Variants in RBFOX1 observed in about 807,000 individuals in gnomAD.
The protein encoded by RBFOX1 is RNA binding fox-1 homolog 1.
RBFOX1 carries 8 observed loss-of-function variants against 57.7 expected under a neutral mutation model. That is an observed-to-expected ratio of 0.14 (90% confidence interval 0.08 to 0.25). RBFOX1 has a LOEUF of 0.25. RBFOX1 is among the 10% of genes least tolerant of loss of function. RBFOX1 has a pLI of 1.00. For missense variants in RBFOX1, 611 were observed against 548.5 expected (o/e 1.11, Z -1.14); for synonymous variants, 326 against 222.4 (o/e 1.47, Z -4.15).
At chr16:5,452,589 C>G (rs1280477729) in intron 1 of RBFOX1, among the ~76,000 whole-genome samples, 1 of 152,070 alleles carries the variant, frequency 6.6e-6, no homozygotes, top group Non-Finnish European at 1.5e-5. Flanking sequence ...CCTGCCTTAC[C>G]TGTCCCTCAT....
At chr16:6,063,022 G>GT (rs2095708743) in intron 1 of RBFOX1, among the ~76,000 whole-genome samples, 1 of 152,090 alleles carries the variant, frequency 6.6e-6, no homozygotes, top group East Asian at 1.9e-4. Flanking sequence ...ATTTTTCAAG[G>GT]TAATCTCCCT....
intron 3 of RBFOX1, among the ~76,000 whole-genome samples, chr16:6,892,851 C>T (rs1046580341): frequency 6.9e-6 from 1 of 145,480 alleles, no homozygotes; most frequent in Non-Finnish European, 1.5e-5. Flanking sequence ...GTGTTCTGTG[C>T]CCCCCTCCCC....
intron 12 of RBFOX1, among the ~76,000 whole-genome samples, chr16:7,654,401 C>G (rs1208330167): frequency 6.6e-6 from 1 of 152,104 alleles, no homozygotes; most frequent in African/African-American, 2.4e-5. Flanking sequence ...TCAAGGGTCA[C>G]GAACCTTTGC....
intron 3 of RBFOX1, among the ~76,000 whole-genome samples, chr16:6,755,057 G>C (rs1325648086): frequency 2.6e-5 from 4 of 152,182 alleles, no homozygotes; most frequent in Non-Finnish European, 4.4e-5. Flanking sequence ...TGGCTGCATA[G>C]TATTCCATGG....
intron 11 of RBFOX1, among the ~76,000 whole-genome samples, chr16:7,647,265 G>C (rs2063932626): frequency 6.6e-6 from 1 of 152,112 alleles, no homozygotes; most frequent in Non-Finnish European, 1.5e-5. Context: ...ATGCTCAATT[G>C]GTATTTTCTC....
At chr16:5,379,223 ATCATAAAAGT>A (rs1158103287) in intron 1 of RBFOX1, among the ~76,000 whole-genome samples, 7 of 151,654 alleles carry the variant, frequency 4.6e-5, no homozygotes, top group Non-Finnish European at 1.0e-4. Context: ...CTAAAATTTA[ATCATAAAAGT>A]TCAGGTGAAT....
intron 3 of RBFOX1, among the ~76,000 whole-genome samples, chr16:5,680,695 C>A (rs912706731): frequency 6.6e-6 from 1 of 152,136 alleles, no homozygotes; most frequent in African/African-American, 2.4e-5. Context: ...TGGAGAATGC[C>A]AAACTTTAGG....
intron 3 of RBFOX1, among the ~76,000 whole-genome samples, chr16:6,732,355 C>A (rs1296116268): frequency 6.6e-6 from 1 of 152,194 alleles, no homozygotes; most frequent in African/African-American, 2.4e-5. Context: ...GAGTCTCTGA[C>A]AGATGCAGCA....
At chr16:7,465,371 G>C (rs546183497) in intron 4 of RBFOX1, among the ~76,000 whole-genome samples, 2 of 152,298 alleles carry the variant, frequency 1.3e-5, no homozygotes, top group South Asian at 4.1e-4. Flanking sequence ...CGGAGACCTT[G>C]GCTGCTTCAT....
chr16:6,963,520 G>T (rs927985283), intron 3 of RBFOX1, among the ~76,000 whole-genome samples: 2 of 152,074 alleles, frequency 1.3e-5, no homozygotes, highest in East Asian at 3.9e-4. Flanking sequence ...GTTTGCAAAG[G>T]AGTGAATGAC....
At chr16:7,552,656 G>T (rs1418327831) in intron 5 of RBFOX1, among the ~76,000 whole-genome samples, 1 of 152,130 alleles carries the variant, frequency 6.6e-6, no homozygotes, top group Admixed American at 6.5e-5. Context: ...CCCATTCTTT[G>T]TTGTGAACGA....
chr16:7,180,899 A>G (rs1176824746), intron 4 of RBFOX1, among the ~76,000 whole-genome samples: 1 of 152,238 alleles, frequency 6.6e-6, no homozygotes, highest in African/African-American at 2.4e-5. Context: ...TTTCCTGCAG[A>G]GGGTCAGATA....
intron 4 of RBFOX1, among the ~76,000 whole-genome samples, chr16:7,381,465 T>C (rs376934443): frequency 1.3e-5 from 2 of 152,060 alleles, no homozygotes; most frequent in East Asian, 1.9e-4. Context: ...TAGTAAAATA[T>C]ATAGACTACA....
intron 1 of RBFOX1, among the ~76,000 whole-genome samples, chr16:5,437,698 C>A (rs1013613566): frequency 6.6e-6 from 1 of 152,098 alleles, no homozygotes; most frequent in Non-Finnish European, 1.5e-5. Context: ...ACTATTTATG[C>A]CTACAAAAAA....
At chr16:5,292,893 G>A (rs558342567) in intron 1 of RBFOX1, among the ~76,000 whole-genome samples, 1 of 152,130 alleles carries the variant, frequency 6.6e-6, no homozygotes, top group Admixed American at 6.5e-5. Context: ...AAAGTGCTGG[G>A]ATTACACGTG....
At chr16:6,965,315 TTGTG>T (rs57603257) in intron 3 of RBFOX1, among the ~76,000 whole-genome samples, 5,342 of 147,304 alleles carry the variant, frequency 0.036, 105 homozygotes, top group Non-Finnish European at 0.05. Flanking sequence ...TTTTCTTTTG[TTGTG>T]TGTGTGTGTG....
chr16:5,533,147 T>A (rs1204990730), intron 2 of RBFOX1, among the ~76,000 whole-genome samples: 1 of 152,100 alleles, frequency 6.6e-6, no homozygotes, highest in Non-Finnish European at 1.5e-5. Flanking sequence ...GGAGAAGGAA[T>A]CAAAGAAGAG....
At chr16:5,317,587 C>T (rs1302277698) in intron 1 of RBFOX1, among the ~76,000 whole-genome samples, 6 of 151,778 alleles carry the variant, frequency 4.0e-5, no homozygotes, top group Admixed American at 2.0e-4. Context: ...CCAGCCTGGG[C>T]GAAAGACTGA....
At chr16:7,226,181 C>A (rs553817087) in intron 4 of RBFOX1, among the ~76,000 whole-genome samples, 1 of 152,284 alleles carries the variant, frequency 6.6e-6, no homozygotes, top group South Asian at 2.1e-4. Context: ...CCAGGGATAA[C>A]TCTCAGGTAC....
Sources: gnomAD v4.1 joint callset for allele counts (sites outside exome capture counted in the v4.1 genomes callset) on GRCh38, gnomAD v4.1.1 for gene constraint, MANE v1.5 for transcripts, NCBI Gene and HGNC (gene_info 2026-07-23, HGNC 2026-07-21) for gene names.